Variants in SDK1 observed in about 807,000 individuals in gnomAD.
SDK1 encodes protein sidekick-1.
Under a neutral mutation model 245.5 loss-of-function variants are expected in SDK1, and 157 were observed. That is an observed-to-expected ratio of 0.64 (90% CI 0.56 to 0.73). The LOEUF (loss-of-function observed/expected upper bound fraction) is 0.73. Among genes scored for constraint, SDK1 ranks in the 30% least tolerant of loss-of-function variants. SDK1 has a pLI of 0.00. For synonymous variants in SDK1, 1,647 were observed against 1,278.5 expected (o/e 1.29, Z -6.15); for missense variants, 3,583 against 3,002.3 (o/e 1.19, Z -4.52).
intron 5 of SDK1, among the ~76,000 whole-genome samples, chr7:3,941,663 A>G (rs1160796878): frequency 6.6e-6 from 1 of 152,104 alleles, no homozygotes; most frequent in Non-Finnish European, 1.5e-5. Context: ...ACGGCCTGCC[A>G]TCTCCCTTCT....
chr7:3,859,934 T>TC, intron 5 of SDK1, among the ~76,000 whole-genome samples: 1 of 152,206 alleles, frequency 6.6e-6, no homozygotes, highest in African/African-American at 2.4e-5. Context: ...TTTTTTTTTT[T>TC]TTTGAGACGG....
intron 2 of SDK1, among the ~76,000 whole-genome samples, chr7:3,634,813 A>G (rs1429526424): frequency 2.0e-5 from 3 of 152,174 alleles, no homozygotes; most frequent in African/African-American, 7.2e-5. Flanking sequence ...TTAATATTCA[A>G]TTTTGTCTCT....
At chr7:3,473,050 C>G (rs377137505) in intron 1 of SDK1, among the ~76,000 whole-genome samples, 2 of 152,280 alleles carry the variant, frequency 1.3e-5, no homozygotes, top group Non-Finnish European at 1.5e-5. Flanking sequence ...CATCAGCATC[C>G]TGACATTTGC....
At chr7:4,029,139 G>T in intron 17 of SDK1, among the ~76,000 whole-genome samples, 1 of 126,204 alleles carries the variant, frequency 7.9e-6, no homozygotes, top group Non-Finnish European at 1.6e-5. Flanking sequence ...TTTCCGAGGG[G>T]GGTGGGGGTC....
chr7:4,168,588 G>C (rs668160), intron 32 of SDK1, among the ~76,000 whole-genome samples: 152,270 of 152,306 alleles, frequency 1, 76,117 homozygotes, highest in Middle Eastern at 1. Context: ...CCTTCGTCAC[G>C]CCACCTGAGC....
intron 32 of SDK1, among the ~76,000 whole-genome samples, chr7:4,163,471 TG>T (rs1323300354): frequency 6.6e-6 from 1 of 151,690 alleles, no homozygotes; most frequent in Admixed American, 6.6e-5. Context: ...CTGTGGAAAG[TG>T]GGGGCTGCGG....
At chr7:3,848,420 C>T in intron 5 of SDK1, among the ~76,000 whole-genome samples, 1 of 152,082 alleles carries the variant, frequency 6.6e-6, no homozygotes, top group Non-Finnish European at 1.5e-5. Context: ...GGAGCCTTCT[C>T]TTGTTAAAGT....
intron 10 of SDK1, among the ~76,000 whole-genome samples, chr7:3,968,196 C>T (rs533580116): frequency 1.5e-4 from 23 of 152,292 alleles, no homozygotes; most frequent in Non-Finnish European, 2.9e-4. Flanking sequence ...AGGGCCACAT[C>T]GTTCCGTGCC....
intron 4 of SDK1, among the ~76,000 whole-genome samples, chr7:3,739,193 G>C (rs1052120356): frequency 3.9e-5 from 6 of 152,108 alleles, no homozygotes; most frequent in African/African-American, 1.4e-4. Context: ...TTCTTGACAA[G>C]TAATTGTTTT....
At chr7:3,585,149 G>C (rs1780643468) in intron 1 of SDK1, among the ~76,000 whole-genome samples, 2 of 152,162 alleles carry the variant, frequency 1.3e-5, no homozygotes, top group Admixed American at 6.5e-5. Context: ...CCTTGCCTCA[G>C]CCTCTGCTTT....
rs549504052 is a variant in SDK1 at position 3,724,067 on chromosome 7, G to A, written c.713+81962G>A. Among the ~76,000 whole-genome samples the A allele has an allele frequency of 1.3e-4, 20 of 151,762 alleles. No individual in the cohort carries two copies. In the South Asian group the frequency reaches 1.7e-3, roughly 13 times the overall value. ...CAACCTCCGCCTCCCGGGTTCAAGC[G>A]ATTCTCCTGCCTTAGCCTCCCAAGT... is the stretch of plus-strand genomic sequence containing the variant. On this transcript the variant is annotated intron_variant, in intron 4 of 44. Transcript: ENST00000404826.
intron 5 of SDK1, among the ~76,000 whole-genome samples, chr7:3,901,025 A>T (rs1258111742): frequency 6.6e-6 from 1 of 152,134 alleles, no homozygotes; most frequent in Non-Finnish European, 1.5e-5. Flanking sequence ...TTTAGTAAAA[A>T]CATCTCCTTA....
chr7:3,459,046 C>T (rs75156987), intron 1 of SDK1, among the ~76,000 whole-genome samples: 3,368 of 152,244 alleles, frequency 0.022, 139 homozygotes, highest in African/African-American at 0.076. Flanking sequence ...CCAAAAAACT[C>T]TGCTCAGATT....
Position 4,077,031 on chromosome 7 carries a change from A to G in SDK1, c.3044A>G (p.Asn1015Ser), listed in dbSNP as rs778692871. The change falls in exon 21 of 45, where the codon AAC (asparagine) becomes AGC (serine). Residue 1015 changes from asparagine to serine, a missense_variant. Physicochemically the swap from Asn to Ser is conservative, Grantham distance 46. Coordinates refer to ENST00000404826, the MANE Select transcript of SDK1 (RefSeq NM_152744.4). Reference sequence around the variant, plus strand: ...ATCTCTTGGGAAGTGTACGGCAGGAACGACTCTCGTCTCACGCACACCCTG... The same window carrying G: ...ATCTCTTGGGAAGTGTACGGCAGGAGCGACTCTCGTCTCACGCACACCCTG... ...YQISWEVYGR[N>S]DSRLTHTLNS... 2.5e-6 allele frequency: 4 copies of G among 1,614,130 alleles called. No homozygotes were observed. The highest frequency in any genetic ancestry group is 1.7e-5 in the Admixed American group (1 of 60,022).
chr7:4,235,742 TC>T (rs1786122964), intron 41 of SDK1, among the ~76,000 whole-genome samples: 1 of 152,148 alleles, frequency 6.6e-6, no homozygotes, highest in Non-Finnish European at 1.5e-5. Context: ...TCTCTGAAAC[TC>T]CATCAGACGC....
At chr7:4,140,294 C>T (rs1347389409) in intron 28 of SDK1, among the ~76,000 whole-genome samples, 2 of 152,182 alleles carry the variant, frequency 1.3e-5, no homozygotes, top group African/African-American at 2.4e-5. Flanking sequence ...CCTGATGTTA[C>T]TCCCCAAGGC....
intron 4 of SDK1, among the ~76,000 whole-genome samples, chr7:3,801,139 T>C (rs1312934523): frequency 6.6e-6 from 1 of 152,228 alleles, no homozygotes; most frequent in Non-Finnish European, 1.5e-5. Flanking sequence ...ATGCGGATGA[T>C]TAAATAAGAC....
chr7:3,485,727 C>G (rs1224399334), intron 1 of SDK1, among the ~76,000 whole-genome samples: 1 of 68,226 alleles, frequency 1.5e-5, no homozygotes, highest in Non-Finnish European at 2.6e-5. Flanking sequence ...CTCCACCTTT[C>G]TCTCTGGTAA....
intron 2 of SDK1, among the ~76,000 whole-genome samples, chr7:3,632,375 T>G (rs1782322268): frequency 6.6e-6 from 1 of 152,198 alleles, no homozygotes; most frequent in African/African-American, 2.4e-5. Context: ...ATTTCAACAT[T>G]AATTCTTAGG....
Sources: gnomAD v4.1 joint callset for allele counts (sites outside exome capture counted in the v4.1 genomes callset) on GRCh38, gnomAD v4.1.1 for gene constraint, MANE v1.5 for transcripts, NCBI Gene and HGNC (gene_info 2026-07-23, HGNC 2026-07-21) for gene names.